ADAMTSL3: variants seen among roughly 807,000 people sequenced by gnomAD.
The protein encoded by ADAMTSL3 is ADAMTS-like protein 3.
ADAMTSL3 carries 128 observed loss-of-function variants against 201.7 expected under a neutral mutation model. The ratio of observed to expected loss-of-function variants is 0.63; its 90% CI spans 0.55 to 0.73. The LOEUF (loss-of-function observed/expected upper bound fraction) is 0.73, where lower values mean the gene tolerates loss of function less well. Ranked by LOEUF, ADAMTSL3 falls within the 30% of genes least tolerant of loss-of-function variation. The pLI is 0.00. For synonymous variants in ADAMTSL3, 738 were observed against 748.4 expected (o/e 0.99, Z 0.23); for missense variants, 1,990 against 2,119.6 (o/e 0.94, Z 1.20).
rs1433248039 is a variant in ADAMTSL3 at position 83,835,947 on chromosome 15, C to CATTT, written c.601-2140_601-2137dup. Among the ~76,000 whole-genome samples the CATTT allele has an allele frequency of 5.3e-5, 8 of 152,298 alleles. No individual in the cohort carries two copies. In the East Asian group the frequency reaches 1.3e-3, roughly 26 times the overall value. ...TACTAGCTGTGTAATATTGGCAAAT[C>CATTT]ATTTACTCAGTAATGTTTAGATTCC... is the stretch of plus-strand genomic sequence containing the variant. On this transcript the variant is annotated intron_variant, in intron 6 of 29. Transcript: ENST00000286744.
chr15:83,856,174 T>C (rs1226601365), intron 7 of ADAMTSL3, among the ~76,000 whole-genome samples: 1 of 151,282 alleles, frequency 6.6e-6, no homozygotes, highest in Non-Finnish European at 1.5e-5. Flanking sequence ...CCTTTTTTTT[T>C]TTTTTCCCCC....
In ADAMTSL3 at chr15:83,987,896, G is replaced by A. The variant is rs58035991; in HGVS notation, c.3717-795G>A. Among the ~76,000 whole-genome samples, 270 of 152,144 alleles carry A rather than the reference G, an allele frequency of 1.8e-3. 6 individuals are homozygous for A. The East Asian group carries it at 0.049, about 28-fold the overall frequency. Reference sequence around the variant, plus strand: ...AAAATAGTATATAAACCACTGATCCGGGTGATTTAGAAGCAGATTCAAATT... The same window carrying A: ...AAAATAGTATATAAACCACTGATCCAGGTGATTTAGAAGCAGATTCAAATT... On this transcript the variant is annotated intron_variant, in intron 21 of 29. Coordinates refer to ENST00000286744, the MANE Select transcript of ADAMTSL3 (RefSeq NM_207517.3).
intron 15 of ADAMTSL3, among the ~76,000 whole-genome samples, chr15:83,900,995 CTGTGGTCCAG>C (rs1330375751): frequency 1.3e-5 from 2 of 152,198 alleles, no homozygotes; most frequent in African/African-American, 4.8e-5. Flanking sequence ...TCCCTTTTAA[CTGTGGTCCAG>C]CCCAGTGGTG....
At chr15:83,812,881 C>T (rs1310458296) in intron 5 of ADAMTSL3, among the ~76,000 whole-genome samples, 3 of 152,140 alleles carry the variant, frequency 2.0e-5, no homozygotes, top group East Asian at 3.8e-4. Context: ...CTGAGAAGTA[C>T]GTGCTATTTT....
At chr15:83,795,263 G>GCAA (rs58698546) in intron 4 of ADAMTSL3, among the ~76,000 whole-genome samples, 22,880 of 150,928 alleles carry the variant, frequency 0.15, 2,213 homozygotes, top group Middle Eastern at 0.32. Context: ...AACAGCAGCA[G>GCAA]CAACAACAAC....
At position 83,739,821 on chromosome 15, in the gene ADAMTSL3, G is replaced by C. The variant is rs1018396358; in HGVS notation, c.190-33702G>C. 3 of 599,004 alleles carry C rather than the reference G, an allele frequency of 5.0e-6. No individual in the cohort carries two copies. The African/African-American group carries it at 5.6e-5, about 11-fold the overall frequency. 37.1% of individuals were successfully genotyped at this position (599,004 alleles called of 1,614,324 possible). The stretch of plus-strand genomic sequence containing the variant: ...ATCTCCATCCACATTTGCTGGGCTG[G>C]TGTCCAGATTGGCAATGCCTGCTGG... On this transcript the variant is annotated intron_variant, in intron 3 of 29. Coordinates refer to ENST00000286744, the MANE Select transcript of ADAMTSL3 (RefSeq NM_207517.3).
At chr15:83,836,621 A>T (rs1203620836) in intron 6 of ADAMTSL3, among the ~76,000 whole-genome samples, 1 of 152,254 alleles carries the variant, frequency 6.6e-6, no homozygotes, top group Non-Finnish European at 1.5e-5. Context: ...AATAAGATGA[A>T]AAACACAGAG....
chr15:83,675,281 C>A (rs912784578), intron 2 of ADAMTSL3, among the ~76,000 whole-genome samples: 3 of 152,086 alleles, frequency 2.0e-5, no homozygotes, highest in African/African-American at 7.2e-5. Context: ...TCTCCCTAAT[C>A]CATTCCCATG....
intron 19 of ADAMTSL3, among the ~76,000 whole-genome samples, chr15:83,959,118 A>G (rs939269552): frequency 6.6e-6 from 1 of 152,244 alleles, no homozygotes; most frequent in Non-Finnish European, 1.5e-5. Context: ...AAACTGACCC[A>G]GAATGGTCAA....
intron 6 of ADAMTSL3, among the ~76,000 whole-genome samples, chr15:83,821,004 G>A (rs2063854530): frequency 6.6e-6 from 1 of 152,042 alleles, no homozygotes; most frequent in African/African-American, 2.4e-5. Flanking sequence ...AACCCAGGAG[G>A]TGGAGATTGC....
intron 15 of ADAMTSL3, among the ~76,000 whole-genome samples, chr15:83,900,887 C>T (rs1478391686): frequency 1.3e-5 from 2 of 152,184 alleles, no homozygotes; most frequent in African/African-American, 4.8e-5. Context: ...TTCCCAAGTT[C>T]ATCATTCTTA....
chr15:84,017,218 T>C lies in ADAMTSL3; in HGVS notation c.4273+719T>C, dbSNP rs370980144. On this transcript the variant is annotated intron_variant, in intron 25 of 29. Transcript: ENST00000286744. ...CTGCAAGCTCCGCCTCCCAGGTTCA[T>C]GCCATTCTCCTGCCTCAGCCTCCCA... Among the ~76,000 whole-genome samples the C allele has an allele frequency of 9.8e-4, 149 of 152,228 alleles. No homozygotes were observed. In the Middle Eastern group the frequency reaches 0.014, roughly 14 times the overall value.
At chr15:83,826,595 T>A (rs1367062179) in intron 6 of ADAMTSL3, among the ~76,000 whole-genome samples, 1 of 151,998 alleles carries the variant, frequency 6.6e-6, no homozygotes, top group Admixed American at 6.6e-5. Context: ...TGTGCCATGT[T>A]GGAATGCTGC....
rs140348208 is a variant in ADAMTSL3 at position 83,866,273 on chromosome 15, G to T, written c.803-4529G>T. Among the ~76,000 whole-genome samples the T allele has an allele frequency of 2.0e-3, 297 of 152,246 alleles. 3 individuals are homozygous for T. In the East Asian group the frequency reaches 0.035, roughly 18 times the overall value. On this transcript the variant is annotated intron_variant, in intron 8 of 29. Transcript: ENST00000286744. ...CCCATTACTGGGTATATACCCAAAG[G>T]ATTATAAATCATGCTGCTATAAAGA...
chr15:83,742,197 A>T (rs1222050896), intron 3 of ADAMTSL3, among the ~76,000 whole-genome samples: 1 of 152,172 alleles, frequency 6.6e-6, no homozygotes, highest in Non-Finnish European at 1.5e-5. Context: ...AAATCTAGCC[A>T]CTTGTAAATT....
intron 3 of ADAMTSL3, among the ~76,000 whole-genome samples, chr15:83,708,096 C>T: frequency 6.6e-6 from 1 of 152,182 alleles, no homozygotes; most frequent in East Asian, 1.9e-4. Flanking sequence ...GGGTACCTAC[C>T]TGTGGAATCT....
intron 6 of ADAMTSL3, among the ~76,000 whole-genome samples, chr15:83,822,137 C>T (rs1406193514): frequency 1.3e-5 from 2 of 150,280 alleles, no homozygotes; most frequent in Non-Finnish European, 1.5e-5. Flanking sequence ...CTGACCCCCC[C>T]ACCTCCCTCC....
intron 15 of ADAMTSL3, among the ~76,000 whole-genome samples, chr15:83,902,009 A>G (rs74026605): frequency 0.02 from 3,040 of 152,292 alleles, 111 homozygotes; most frequent in African/African-American, 0.069. Flanking sequence ...TCCCCAAACT[A>G]GAAGCCTGGA....
At chr15:84,006,136 A>G (rs2067890228) in intron 23 of ADAMTSL3, among the ~76,000 whole-genome samples, 1 of 152,168 alleles carries the variant, frequency 6.6e-6, no homozygotes. Flanking sequence ...TAGCTTTGAG[A>G]TACTTTCTCT....
Sources: allele counts gnomAD v4.1 joint callset (sites outside exome capture counted in the v4.1 genomes callset), GRCh38; gene constraint gnomAD v4.1.1; transcripts MANE v1.5; gene names NCBI Gene and HGNC (gene_info 2026-07-23, HGNC 2026-07-21).